The following ARHGAP10 variants were observed in gnomAD, a reference collection of about 807,000 sequenced individuals.
ARHGAP10 encodes the protein rho GTPase-activating protein 10.
In ARHGAP10, 87 loss-of-function variants were observed where a neutral mutation model predicts 108.6. The ratio of observed to expected loss-of-function variants is 0.80; its 90% CI spans 0.67 to 0.96. The LOEUF is 0.96. Ranked by LOEUF, ARHGAP10 falls within the 40% of genes least tolerant of loss-of-function variation. The probability of loss-of-function intolerance (pLI) is 0.00; values close to 1 mark genes in which losing one functional copy is unlikely to be tolerated. For synonymous variants in ARHGAP10, 347 were observed against 341.1 expected, an observed-to-expected ratio of 1.02 and a Z score of -0.19; for missense variants, 939 against 954.5, an observed-to-expected ratio of 0.98 and a Z score of 0.21.
At chr4:147,897,644 C>G (rs1444454281) in intron 10 of ARHGAP10, among the ~76,000 whole-genome samples, 1 of 152,126 alleles carries the variant, frequency 6.6e-6, no homozygotes, top group Non-Finnish European at 1.5e-5. Context: ...TCCAATCATC[C>G]TTTCGCTCTC....
At chr4:148,031,076 A>C (rs1242847249) in intron 19 of ARHGAP10, among the ~76,000 whole-genome samples, 14 of 152,132 alleles carry the variant, frequency 9.2e-5, no homozygotes, top group Admixed American at 9.2e-4. Context: ...AACAACAAAA[A>C]AATGAATTTT....
At chr4:147,859,273 CTTT>C (rs34375248) in intron 5 of ARHGAP10, among the ~76,000 whole-genome samples, 5 of 135,272 alleles carry the variant, frequency 3.7e-5, no homozygotes, top group Admixed American at 7.4e-5. Context: ...TTTCATATTC[CTTT>C]TTTTTTTTTT....
chr4:147,847,116 T>A (rs1296635037), intron 3 of ARHGAP10, 35 bp from the exon 4 acceptor site: 7 of 1,563,278 alleles, frequency 4.5e-6, no homozygotes, highest in Non-Finnish European at 5.3e-6. Context: ...GGAAACCTAA[T>A]GCTGTGCTCT....
chr4:147,800,630 A>G (rs1368891934), intron 1 of ARHGAP10, among the ~76,000 whole-genome samples: 1 of 152,076 alleles, frequency 6.6e-6, no homozygotes, highest in Non-Finnish European at 1.5e-5. Flanking sequence ...GATGCAAGAT[A>G]CTGTTTCACT....
chr4:148,039,412 C>T (rs1484951957), intron 19 of ARHGAP10, among the ~76,000 whole-genome samples: 1 of 108,472 alleles, frequency 9.2e-6, no homozygotes, highest in Admixed American at 1.1e-4. Flanking sequence ...TAGAGTCTCA[C>T]TCTGTAGCCT....
intron 10 of ARHGAP10, among the ~76,000 whole-genome samples, chr4:147,896,441 A>G (rs1020682575): frequency 1.3e-5 from 2 of 152,078 alleles, no homozygotes; most frequent in African/African-American, 4.8e-5. Context: ...GTTTTCAAGG[A>G]ATTTATTTTC....
chr4:147,876,229 T>G (rs1735052392), intron 8 of ARHGAP10, among the ~76,000 whole-genome samples: 1 of 152,144 alleles, frequency 6.6e-6, no homozygotes, highest in Non-Finnish European at 1.5e-5. Flanking sequence ...ATGGCAGAAG[T>G]CTCCATTTTT....
intron 18 of ARHGAP10, among the ~76,000 whole-genome samples, chr4:147,987,590 T>A (rs546248627): frequency 6.6e-6 from 1 of 152,216 alleles, no homozygotes; most frequent in Non-Finnish European, 1.5e-5. Context: ...GGTCTGCTGC[T>A]GACACAGAGC....
intron 3 of ARHGAP10, among the ~76,000 whole-genome samples, chr4:147,825,256 C>T (rs944281957): frequency 2.6e-5 from 4 of 152,090 alleles, no homozygotes; most frequent in Non-Finnish European, 5.9e-5. Context: ...TTGAGACCAG[C>T]CAGGCCAACC....
intron 3 of ARHGAP10, among the ~76,000 whole-genome samples, chr4:147,831,902 C>T (rs1732964681): frequency 6.6e-6 from 1 of 152,164 alleles, no homozygotes. Context: ...AAGGCCTTGC[C>T]CCATGACTCA....
intron 22 of ARHGAP10, 66 bp downstream of exon 22, chr4:148,064,573 G>A: frequency 7.2e-7 from 1 of 1,397,848 alleles, no homozygotes; most frequent in Non-Finnish European, 1.0e-6. Context: ...GCAGCATGGA[G>A]TGAGCAGTCA....
chr4:147,791,875 G>A (rs922073117), intron 1 of ARHGAP10, among the ~76,000 whole-genome samples: 3 of 152,188 alleles, frequency 2.0e-5, no homozygotes, highest in African/African-American at 7.2e-5. Context: ...ATGAGCCATC[G>A]TGCCCAGCCT....
chr4:147,801,250 C>T (rs1404592724), intron 1 of ARHGAP10, among the ~76,000 whole-genome samples: 1 of 152,200 alleles, frequency 6.6e-6, no homozygotes, highest in Non-Finnish European at 1.5e-5. Flanking sequence ...GGTTAAATGA[C>T]TGGTCCTGGG....
chr4:148,061,765 G>A (rs11099674), intron 20 of ARHGAP10, among the ~76,000 whole-genome samples: 74,483 of 152,058 alleles, frequency 0.49, 21,387 homozygotes, highest in East Asian at 0.83. Flanking sequence ...GATGTTGGCT[G>A]ATGGCTCCAT....
chr4:147,748,869 G>A (rs980067592), intron 1 of ARHGAP10, among the ~76,000 whole-genome samples: 1 of 152,092 alleles, frequency 6.6e-6, no homozygotes, highest in African/African-American at 2.4e-5. Context: ...TGAGGTGGGA[G>A]GATTGCTTGA....
chr4:147,901,923 AAG>A (rs1430555780), intron 10 of ARHGAP10, among the ~76,000 whole-genome samples: 1 of 152,228 alleles, frequency 6.6e-6, no homozygotes. Context: ...GGAAAACAAA[AAG>A]GAACTAGAGA....
chr4:148,007,648 A>G (rs1250077869), intron 18 of ARHGAP10, among the ~76,000 whole-genome samples: 2 of 152,202 alleles, frequency 1.3e-5, no homozygotes, highest in Non-Finnish European at 2.9e-5. Context: ...CTCCCAAGTT[A>G]AACTGCTCAA....
At chr4:147,961,099 GTGTT>G (rs1416600941) in intron 16 of ARHGAP10, among the ~76,000 whole-genome samples, 2 of 152,210 alleles carry the variant, frequency 1.3e-5, no homozygotes, top group Admixed American at 1.3e-4. Context: ...CATAGGGTAT[GTGTT>G]TGTTCAGCTT....
chr4:148,052,391 G>GTTTT (rs1560894068), intron 20 of ARHGAP10, among the ~76,000 whole-genome samples: 2 of 88,002 alleles, frequency 2.3e-5, no homozygotes, highest in African/African-American at 9.5e-5. Flanking sequence ...TTGCACATTT[G>GTTTT]CTTTTTTTTT....
Sources: allele counts gnomAD v4.1 joint callset (sites outside exome capture counted in the v4.1 genomes callset), GRCh38; gene constraint gnomAD v4.1.1; transcripts MANE v1.5; gene names NCBI Gene and HGNC (gene_info 2026-07-23, HGNC 2026-07-21).